OXR1: variants seen among roughly 807,000 people sequenced by gnomAD.
OXR1 encodes the protein oxidation resistance 1, also known as oxidation resistance protein 1.
A neutral mutation model predicts 104.6 loss-of-function variants in OXR1; 41 were observed. That is an observed-to-expected ratio of 0.39 (90% CI 0.31 to 0.51). The LOEUF (loss-of-function observed/expected upper bound fraction) is 0.51, where lower values mean the gene tolerates loss of function less well. OXR1 is among the 20% of genes least tolerant of loss of function. The probability of loss-of-function intolerance (pLI) is 0.77; values close to 1 mark genes in which losing one functional copy is unlikely to be tolerated. For missense variants in OXR1, 955 were observed against 1,031.9 expected, an observed-to-expected ratio of 0.93 and a Z score of 1.02; for synonymous variants, 348 against 348.4, an observed-to-expected ratio of 1.00 and a Z score of 0.01.
chr8:106,565,392 A>G (rs1414606176), intron 3 of OXR1, among the ~76,000 whole-genome samples: 1 of 152,230 alleles, frequency 6.6e-6, no homozygotes, highest in East Asian at 1.9e-4. Context: ...TACAAAGAGA[A>G]TAAAATACCT....
intron 1 of OXR1, among the ~76,000 whole-genome samples, chr8:106,318,017 C>A (rs1814044576): frequency 6.6e-6 from 1 of 152,044 alleles, no homozygotes; most frequent in Admixed American, 6.6e-5. Flanking sequence ...TTCCTAATGA[C>A]CATGACAGGA....
At chr8:106,464,773 T>G (rs1377469725) in intron 2 of OXR1, among the ~76,000 whole-genome samples, 2 of 152,176 alleles carry the variant, frequency 1.3e-5, no homozygotes, top group East Asian at 3.9e-4. Context: ...TTGATGAGTA[T>G]TTATTGAGCA....
intron 13 of OXR1, 100 bp from the exon 14 acceptor site, chr8:106,740,243 G>T (rs1395748739): frequency 2.7e-6 from 2 of 739,068 alleles, no homozygotes; most frequent in South Asian, 2.1e-5. Context: ...TATTTTTATA[G>T]CCTATATTAT....
chr8:106,526,206 A>G (rs1473763362), intron 3 of OXR1, among the ~76,000 whole-genome samples: 3 of 152,186 alleles, frequency 2.0e-5, no homozygotes, highest in Middle Eastern at 3.2e-3. Flanking sequence ...TAGATGATGA[A>G]TTGTCTCAGC....
At chr8:106,371,031 C>CTT (rs35729471) in intron 2 of OXR1, among the ~76,000 whole-genome samples, 3 of 141,888 alleles carry the variant, frequency 2.1e-5, no homozygotes, top group African/African-American at 7.7e-5. Context: ...TGGTCCTGGG[C>CTT]TTTTTTTTTT....
rs754780384 is a variant in OXR1, at chr8:106,739,495, C to T, written c.2075C>T (p.Ala692Val). The change falls in exon 13 of 17, where the codon GCT becomes GTT. Residue 692 changes from alanine to valine, a missense_variant. By Grantham distance (64) the Ala-to-Val change is moderately conservative (BLOSUM62 0). Transcript: ENST00000517566. ...GAAGACATAAATTCAAAGCAGGTTGCTACAGTGAAAGCAGACCTGGAGTCT... is the reference window on the plus strand; with the variant it reads ...GAAGACATAAATTCAAAGCAGGTTGTTACAGTGAAAGCAGACCTGGAGTCT... ...TREDINSKQV[A>V]TVKADLESES... is the part of the protein sequence containing the mutation. 8 of 1,612,388 alleles carry T rather than the reference C, an allele frequency of 5.0e-6. No individual in the cohort carries two copies. The highest frequency in any genetic ancestry group is 6.8e-6 in the Non-Finnish European group (8 of 1,178,756).
intron 2 of OXR1, among the ~76,000 whole-genome samples, chr8:106,504,596 A>C (rs1028859268): frequency 6.6e-5 from 10 of 152,342 alleles, no homozygotes; most frequent in African/African-American, 2.4e-4. Flanking sequence ...ACATTTCTAT[A>C]GTTACATTAC....
rs988760737 is a variant in OXR1, at chr8:106,737,536, A to C, written c.1973A>C (p.Glu658Ala). 5 of 1,298,198 alleles carry C rather than the reference A, an allele frequency of 3.9e-6. No homozygotes were observed. Among genetic ancestry groups the C allele is most frequent in the Non-Finnish European group, 5.0e-6 (5 of 1,007,476 alleles). The allele number at this position is 1,298,198 out of a possible 1,614,324, so 80.4% of individuals were successfully genotyped here. The change falls in exon 12 of 17, where the codon GAG (glutamate) becomes GCG (alanine). Residue 658 changes from glutamate (E) to alanine (A), a missense_variant. Physicochemically the swap from Glu to Ala is moderately radical, Grantham distance 107. Around this residue, in one of 2 missense-constraint regions of OXR1, gnomAD observed 849 missense variants for 852.9 expected, o/e 1.00. Coordinates refer to ENST00000517566, the MANE Select transcript of OXR1 (RefSeq NM_001198533.2). ...AREWEVVSVA[E>A]YHRRIDALNT... Reference sequence around the variant, plus strand: ...CATATTTAGGTAGTGTCAGTGGCTGAGTATCACCGCAGGATCGATGCTCTA... The same window carrying C: ...CATATTTAGGTAGTGTCAGTGGCTGCGTATCACCGCAGGATCGATGCTCTA...
chr8:106,508,659 A>G (rs938483867), intron 2 of OXR1, among the ~76,000 whole-genome samples: 15 of 152,264 alleles, frequency 9.9e-5, no homozygotes, highest in Non-Finnish European at 2.2e-4. Context: ...GATGTTTTAT[A>G]TTCATCAATA....
chr8:106,732,696 G>A (rs189677075), intron 11 of OXR1, among the ~76,000 whole-genome samples: 1 of 152,032 alleles, frequency 6.6e-6, no homozygotes, highest in Non-Finnish European at 1.5e-5. Flanking sequence ...GATTTTCAAG[G>A]CTGTACCAGT....
At chr8:106,297,876 G>C (rs1813065312) in intron 1 of OXR1, among the ~76,000 whole-genome samples, 1 of 152,222 alleles carries the variant, frequency 6.6e-6, no homozygotes, top group South Asian at 2.1e-4. Flanking sequence ...TGAACAAAAA[G>C]TGGTGAGGGG....
At chr8:106,624,612 C>G (rs1240267099) in intron 3 of OXR1, among the ~76,000 whole-genome samples, 1 of 152,070 alleles carries the variant, frequency 6.6e-6, no homozygotes, top group African/African-American at 2.4e-5. Context: ...AACTGACCTT[C>G]GTTTACATCT....
At chr8:106,693,955 G>C (rs1829566441) in intron 7 of OXR1, among the ~76,000 whole-genome samples, 1 of 151,894 alleles carries the variant, frequency 6.6e-6, no homozygotes, top group African/African-American at 2.4e-5. Flanking sequence ...GCATTTAGTG[G>C]TATGCATTTT....
intron 2 of OXR1, among the ~76,000 whole-genome samples, chr8:106,411,688 C>G (rs1818463557): frequency 6.6e-6 from 1 of 152,140 alleles, no homozygotes; most frequent in Non-Finnish European, 1.5e-5. Flanking sequence ...TTCCAGGTCC[C>G]TGATTTCTGT....
intron 2 of OXR1, among the ~76,000 whole-genome samples, chr8:106,388,925 G>T: frequency 6.6e-6 from 1 of 152,224 alleles, no homozygotes; most frequent in Non-Finnish European, 1.5e-5. Context: ...TCCCACTTTA[G>T]GGTAGTTTCT....
At chr8:106,353,614 G>T (rs1489921707) in intron 1 of OXR1, among the ~76,000 whole-genome samples, 1 of 150,916 alleles carries the variant, frequency 6.6e-6, no homozygotes, top group Non-Finnish European at 1.5e-5. Context: ...TTTTTAATTG[G>T]CAAATATAAA....
intron 2 of OXR1, among the ~76,000 whole-genome samples, chr8:106,495,531 A>G (rs1811357908): frequency 6.6e-6 from 1 of 152,148 alleles, no homozygotes; most frequent in African/African-American, 2.4e-5. Context: ...TTGAGTGCAA[A>G]AAGCAGAAGT....
At chr8:106,297,660 G>C (rs1039671144) in intron 1 of OXR1, among the ~76,000 whole-genome samples, 4 of 152,178 alleles carry the variant, frequency 2.6e-5, no homozygotes, top group Non-Finnish European at 4.4e-5. Context: ...GCCATACATA[G>C]TTGACTAAAA....
At chr8:106,623,669 T>G (rs1251085416) in intron 3 of OXR1, among the ~76,000 whole-genome samples, 1 of 152,188 alleles carries the variant, frequency 6.6e-6, no homozygotes, top group Non-Finnish European at 1.5e-5. Flanking sequence ...AGAAACAGTT[T>G]CTGAAAGAGG....
Sources: allele counts gnomAD v4.1 joint callset (sites outside exome capture counted in the v4.1 genomes callset), GRCh38; gene constraint gnomAD v4.1.1; regional missense constraint gnomAD v4.1.1; transcripts MANE v1.5; gene names NCBI Gene and HGNC (gene_info 2026-07-23, HGNC 2026-07-21).